Variants in UNKL observed in about 807,000 individuals in gnomAD.
The protein encoded by UNKL is putative E3 ubiquitin-protein ligase UNKL.
In UNKL, 60 loss-of-function variants were observed where a neutral mutation model predicts 78.0. That is an observed-to-expected ratio of 0.77 (90% CI 0.63 to 0.95). The LOEUF (loss-of-function observed/expected upper bound fraction) is 0.95. Among genes scored for constraint, UNKL ranks in the 40% least tolerant of loss-of-function variants. The pLI, the probability that UNKL is intolerant of heterozygous loss-of-function variation, is 0.00. For missense variants in UNKL, 1,159 were observed against 1,045.7 expected (o/e 1.11, Z -1.49); for synonymous variants, 608 against 474.8 (o/e 1.28, Z -3.65).
At chr16:1,377,233 G>T (rs1249408725) in intron 10 of UNKL, among the ~76,000 whole-genome samples, 2 of 152,118 alleles carry the variant, frequency 1.3e-5, no homozygotes, top group Non-Finnish European at 2.9e-5. Context: ...TGTTGGTCAG[G>T]CTGGTCATGA....
chr16:1,395,601 T>G, intron 6 of UNKL: 2 of 439,508 alleles, frequency 4.6e-6, no homozygotes, highest in South Asian at 3.1e-5. Context: ...AGGCTGCCCC[T>G]TCCGCCCCAG....
At chr16:1,391,187 ACACACAC>A (rs1265494983) in intron 8 of UNKL, among the ~76,000 whole-genome samples, 26 of 150,188 alleles carry the variant, frequency 1.7e-4, no homozygotes, top group African/African-American at 4.5e-4. Context: ...ACACACACAC[ACACACAC>A]AATATATATG....
chr16:1,395,736 C>T (rs1403029296), intron 6 of UNKL: 1 of 456,618 alleles, frequency 2.2e-6, no homozygotes, highest in Middle Eastern at 3.3e-4. Context: ...AGCTGGGTAC[C>T]AGAGACTGGG....
At chr16:1,398,890 T>C in intron 5 of UNKL, 1 of 1,573,202 alleles carries the variant, frequency 6.4e-7, no homozygotes. Flanking sequence ...GGGCGACCCT[T>C]GGGTTGTTGG....
At chr16:1,394,017 C>G (rs1484871709) in intron 7 of UNKL, 114 bp downstream of exon 7, 3 of 1,091,446 alleles carry the variant, frequency 2.7e-6, no homozygotes, top group South Asian at 1.5e-5. Context: ...GTGCTGAGCT[C>G]CTGCCCGCCT....
rs1458148273 is a variant in UNKL, at chr16:1,363,702, GCCA to G, written c.*2535_*2537del. 2 of 168,198 alleles carry G rather than the reference GCCA, an allele frequency of 1.2e-5. No homozygotes were observed. Among genetic ancestry groups the G allele is most frequent in the African/African-American group, 4.8e-5 (2 of 41,560 alleles). 10.4% of individuals were successfully genotyped at this position (168,198 alleles called of 1,614,324 possible). A position where few individuals can be genotyped will look rare whatever the true frequency, so the allele number is the denominator to read the frequency against. On this transcript the variant is annotated 3_prime_UTR_variant, in exon 15 of 15. Coordinates refer to ENST00000389221, the MANE Select transcript of UNKL (RefSeq NM_001372107.1). Reference sequence around the variant, plus strand: ...CCTAGGAGCCATCCCTGAGGCCATGGCCACCAAGACAGGTGAGGGAGGCCCCAG... The same window carrying G: ...CCTAGGAGCCATCCCTGAGGCCATGGCCAAGACAGGTGAGGGAGGCCCCAG...
chr16:1,396,988 C>G (rs2037294158), intron 6 of UNKL, 190 bp downstream of exon 6: 1 of 603,250 alleles, frequency 1.7e-6, no homozygotes, highest in Non-Finnish European at 2.9e-6. Flanking sequence ...TGAGGGCAGC[C>G]CGAAGGCCAG....
At chr16:1,408,265 C>G (rs1024651541) in intron 2 of UNKL, among the ~76,000 whole-genome samples, 1 of 152,212 alleles carries the variant, frequency 6.6e-6, no homozygotes, top group Non-Finnish European at 1.5e-5. Flanking sequence ...GAGCTGCCCC[C>G]CCCCCCAACG....
chr16:1,375,939 C>T (rs540659335), intron 10 of UNKL, among the ~76,000 whole-genome samples: 1 of 152,358 alleles, frequency 6.6e-6, no homozygotes, highest in East Asian at 1.9e-4. Context: ...GACCTCAAAG[C>T]CTGACTGAAG....
intron 9 of UNKL, among the ~76,000 whole-genome samples, chr16:1,389,950 T>C (rs1357249852): frequency 6.6e-6 from 1 of 152,160 alleles, no homozygotes; most frequent in Admixed American, 6.5e-5. Context: ...ACCACAGGTG[T>C]GAGCTACTGT....
chr16:1,392,910 C>T lies in UNKL; in HGVS notation c.1004G>A (p.Gly335Asp), dbSNP rs61741579. ...DLHLTSPSSTGSGQPGNAKRR... is the reference protein window; with the variant it reads ...DLHLTSPSSTDSGQPGNAKRR... ...ACTTACATTTCCCGGCTGGCCGCTG[C>T]CCGTGGAGGAAGGACTCGTGAGGTG... Residue 335 changes from glycine to aspartate, a missense_variant, in exon 8 of 15, where the codon GGC becomes GAC. Physicochemically the swap from Gly to Asp is moderately conservative, Grantham distance 94. Coordinates refer to ENST00000389221, the MANE Select transcript of UNKL (RefSeq NM_001372107.1). 1,774 of 1,550,616 alleles carry T rather than the reference C, an allele frequency of 1.1e-3. 5 individuals are homozygous for T. The highest frequency in any genetic ancestry group is 6.2e-3 in the African/African-American group (454 of 73,190).
intron 10 of UNKL, among the ~76,000 whole-genome samples, chr16:1,376,609 C>T (rs1032881790): frequency 1.3e-4 from 20 of 152,134 alleles, no homozygotes; most frequent in African/African-American, 4.6e-4. Context: ...AGACTGGTCA[C>T]TGGCTCAGGG....
intron 13 of UNKL, 23 bp from the exon 14 acceptor site, chr16:1,367,372 G>A: frequency 1.3e-6 from 2 of 1,524,602 alleles, no homozygotes; most frequent in East Asian, 2.4e-5. Context: ...GCCCGTCTCA[G>A]CACCCCCCAC....
intron 7 of UNKL, 92 bp downstream of exon 7, chr16:1,394,039 G>T: frequency 7.4e-7 from 1 of 1,350,548 alleles, no homozygotes; most frequent in Non-Finnish European, 1.0e-6. Context: ...CCAGGTCCTC[G>T]TGGGCAGCTC....
At chr16:1,408,923 TTC>T (rs1469266113) in intron 2 of UNKL, 2 of 147,508 alleles carry the variant, frequency 1.4e-5, no homozygotes, top group Non-Finnish European at 3.0e-5. Flanking sequence ...AAATAGAAAT[TTC>T]TTTTTTTTTT....
chr16:1,391,160 T>C (rs1304254781), intron 8 of UNKL, among the ~76,000 whole-genome samples: 1 of 144,636 alleles, frequency 6.9e-6, no homozygotes, highest in African/African-American at 2.6e-5. Flanking sequence ...CAAAAAAAAA[T>C]ACACACACAC....
intron 14 of UNKL, among the ~76,000 whole-genome samples, chr16:1,366,611 G>A (rs528210283): frequency 1.3e-5 from 2 of 152,290 alleles, no homozygotes; most frequent in Admixed American, 6.5e-5. Flanking sequence ...CCTGGGCAGA[G>A]GACAGCCTCC....
chr16:1,375,315 G>A (rs1174143217), intron 10 of UNKL, among the ~76,000 whole-genome samples: 1 of 152,212 alleles, frequency 6.6e-6, no homozygotes, highest in Non-Finnish European at 1.5e-5. Flanking sequence ...GCAGGCGGGA[G>A]AGAAGCCTGG....
In UNKL at chr16:1,399,843, T is replaced by C. The variant is rs1407369296; in HGVS notation, c.599-334A>G. On this transcript the variant is annotated intron_variant, in intron 4 of 14. Transcript: ENST00000389221. This position sits in a 1 kb window ranked among gnomAD's most constrained non-coding sequence, Gnocchi z 5.8. ...TCCTTGCTGGGGGATGAAAATGTTC[T>C]CCAACTAGAGAGAGGTGATGTGTGC... Among the ~76,000 whole-genome samples, 1 of 152,136 alleles carries C rather than the reference T, an allele frequency of 6.6e-6. No individual in the cohort carries two copies. Among genetic ancestry groups the C allele is most frequent in the Non-Finnish European group, 1.5e-5 (1 of 68,024 alleles).
Sources: gnomAD v4.1 joint callset for allele counts (sites outside exome capture counted in the v4.1 genomes callset) on GRCh38, gnomAD v4.1.1 for gene constraint, Gnocchi (gnomAD v3.1) non-coding constraint, MANE v1.5 for transcripts, NCBI Gene and HGNC (gene_info 2026-07-23, HGNC 2026-07-21) for gene names.